LY96: variants seen among roughly 807,000 people sequenced by gnomAD.
LY96 encodes lymphocyte antigen 96.
In LY96, 18 loss-of-function variants were observed where a neutral mutation model predicts 18.9. The observed-to-expected ratio is 0.95, with a 90% CI of 0.66 to 1.41. The LOEUF is 1.41. Among genes scored for constraint, LY96 ranks in the 40% most tolerant of loss-of-function variants. The probability of loss-of-function intolerance (pLI) is 0.00; values close to 1 mark genes in which losing one functional copy is unlikely to be tolerated. For synonymous variants in LY96, 66 were observed against 62.6 expected (o/e 1.06, Z -0.26); for missense variants, 175 against 182.4 (o/e 0.96, Z 0.23).
At chr8:74,015,865 C>T (rs183951011) in intron 3 of LY96, among the ~76,000 whole-genome samples, 6 of 152,334 alleles carry the variant, frequency 3.9e-5, no homozygotes, top group Admixed American at 3.9e-4. Context: ...TTCAAGCTAA[C>T]TTCCTAAGAA....
the LY96 span, among the ~76,000 whole-genome samples, chr8:74,058,020 G>C: frequency 6.6e-6 from 1 of 151,984 alleles, no homozygotes; most frequent in African/African-American, 2.4e-5. Flanking sequence ...TCAATACTTC[G>C]TGAGCCTAAG....
the LY96 span, among the ~76,000 whole-genome samples, chr8:74,049,550 G>A: frequency 2.0e-5 from 3 of 152,086 alleles, no homozygotes; most frequent in Non-Finnish European, 4.4e-5. Flanking sequence ...AAAAATAAGG[G>A]CGAAAGGAAA....
the LY96 span, among the ~76,000 whole-genome samples, chr8:74,088,608 G>A: frequency 2.0e-5 from 3 of 151,960 alleles, no homozygotes; most frequent in African/African-American, 7.3e-5. Flanking sequence ...TATTTATTGA[G>A]AGAGTCTCAC....
the LY96 span, among the ~76,000 whole-genome samples, chr8:74,081,065 TTAC>T: frequency 7.7e-6 from 1 of 129,334 alleles, no homozygotes; most frequent in African/African-American, 3.8e-5. Flanking sequence ...TCTTTCTTTC[TTAC>T]TTTCTTTCTT....
At chr8:73,997,199 C>T (rs182543050) in intron 1 of LY96, among the ~76,000 whole-genome samples, 1 of 152,296 alleles carries the variant, frequency 6.6e-6, no homozygotes, top group African/African-American at 2.4e-5. Flanking sequence ...TCATCATCCA[C>T]CTAATTCCTT....
chr8:74,037,790 C>A, the LY96 span, among the ~76,000 whole-genome samples: 3 of 152,132 alleles, frequency 2.0e-5, no homozygotes, highest in Admixed American at 1.3e-4. Flanking sequence ...TTATTACTTG[C>A]ACCTGAGAGC....
intron 3 of LY96, 65 bp from the exon 4 acceptor site, chr8:74,026,724 T>C: frequency 1.1e-6 from 1 of 889,902 alleles, no homozygotes; most frequent in Non-Finnish European, 1.9e-6. Flanking sequence ...TACTCCATGC[T>C]ACCAAGAAAA....
At chr8:74,018,942 A>G (rs1259023001) in intron 3 of LY96, among the ~76,000 whole-genome samples, 2 of 152,218 alleles carry the variant, frequency 1.3e-5, no homozygotes, top group Non-Finnish European at 2.9e-5. Context: ...AGGGAAATTT[A>G]TAGCACTAAA....
At chr8:74,041,203 A>G in the LY96 span, among the ~76,000 whole-genome samples, 2 of 152,150 alleles carry the variant, frequency 1.3e-5, no homozygotes, top group African/African-American at 4.8e-5. Flanking sequence ...TTTCATTTTA[A>G]TATGGACATT....
At chr8:74,036,116 G>A in the LY96 span, among the ~76,000 whole-genome samples, 1 of 152,140 alleles carries the variant, frequency 6.6e-6, no homozygotes, top group African/African-American at 2.4e-5. Flanking sequence ...TTATTCCTGG[G>A]TGTAAGCCAA....
At chr8:74,008,649 G>T (rs975412148) in intron 2 of LY96, among the ~76,000 whole-genome samples, 1 of 151,988 alleles carries the variant, frequency 6.6e-6, no homozygotes, top group African/African-American at 2.4e-5. Flanking sequence ...TGATGAAGAG[G>T]AGGAAATCAC....
chr8:74,066,786 G>A, the LY96 span, among the ~76,000 whole-genome samples: 126 of 152,140 alleles, frequency 8.3e-4, no homozygotes, highest in Non-Finnish European at 1.7e-3. Flanking sequence ...GAGGATGAAG[G>A]TGTCAGTCTA....
chr8:74,007,529 C>T (rs1234669779), intron 2 of LY96, among the ~76,000 whole-genome samples: 1 of 152,050 alleles, frequency 6.6e-6, no homozygotes, highest in Non-Finnish European at 1.5e-5. Flanking sequence ...CTCATTTCTA[C>T]TTGAATTCAG....
the LY96 span, among the ~76,000 whole-genome samples, chr8:74,040,302 T>A: frequency 1.3e-5 from 2 of 152,264 alleles, no homozygotes; most frequent in Non-Finnish European, 2.9e-5. Flanking sequence ...AGTTTGTGCC[T>A]TCAGGCTCTT....
At chr8:74,066,105 G>T in the LY96 span, among the ~76,000 whole-genome samples, 2 of 152,038 alleles carry the variant, frequency 1.3e-5, no homozygotes, top group Admixed American at 6.6e-5. Flanking sequence ...ATTTCTCATA[G>T]TTCTGGAGGC....
At chr8:74,054,628 CTT>C in the LY96 span, among the ~76,000 whole-genome samples, 175 of 102,370 alleles carry the variant, frequency 1.7e-3, 2 homozygotes, top group Non-Finnish European at 1.8e-3. Context: ...TTCTTTCTTT[CTT>C]TCTTTCTTTC....
At chr8:74,061,643 A>G in the LY96 span, among the ~76,000 whole-genome samples, 5 of 152,216 alleles carry the variant, frequency 3.3e-5, no homozygotes, top group Admixed American at 6.5e-5. Context: ...AAAAAGTGCT[A>G]AGTGGAATTT....
chr8:74,049,893 C>T, the LY96 span, among the ~76,000 whole-genome samples: 1 of 152,164 alleles, frequency 6.6e-6, no homozygotes, highest in Admixed American at 6.5e-5. Flanking sequence ...TGGTGTGCAT[C>T]TGTAGTCCCA....
At chr8:74,021,953 G>A (rs1816770760) in intron 3 of LY96, among the ~76,000 whole-genome samples, 1 of 152,024 alleles carries the variant, frequency 6.6e-6, no homozygotes, top group Admixed American at 6.6e-5. Context: ...GATAGCATTA[G>A]GAGAAATACC....
Sources: allele counts gnomAD v4.1 joint callset (sites outside exome capture counted in the v4.1 genomes callset), GRCh38; gene constraint gnomAD v4.1.1; transcripts MANE v1.5; gene names NCBI Gene and HGNC (gene_info 2026-07-23, HGNC 2026-07-21).